Variants in SUSD1 observed in about 807,000 individuals in gnomAD.
SUSD1 encodes the protein sushi domain containing 1.
SUSD1 carries 65 observed loss-of-function variants against 86.9 expected under a neutral mutation model. The ratio of observed to expected loss-of-function variants is 0.75; its 90% confidence interval spans 0.61 to 0.92. The LOEUF (loss-of-function observed/expected upper bound fraction) is 0.92, where lower values mean the gene tolerates loss of function less well. Among genes scored for constraint, SUSD1 ranks in the 40% least tolerant of loss-of-function variants. The pLI is 0.00. For synonymous variants in SUSD1, 346 were observed against 350.0 expected (o/e 0.99, Z 0.13); for missense variants, 850 against 929.7 (o/e 0.91, Z 1.11).
chr9:112,093,737 G>A (rs1466880802), intron 10 of SUSD1, among the ~76,000 whole-genome samples: 4 of 152,178 alleles, frequency 2.6e-5, no homozygotes, highest in Non-Finnish European at 5.9e-5. Flanking sequence ...CTGGGGCCTT[G>A]AGTATAAAGA....
At chr9:112,042,752 C>T (rs1827797218) in intron 15 of SUSD1, among the ~76,000 whole-genome samples, 1 of 152,200 alleles carries the variant, frequency 6.6e-6, no homozygotes, top group Non-Finnish European at 1.5e-5. Flanking sequence ...CCAGCCTTCA[C>T]ATTGGGTACT....
At chr9:112,052,101 T>C in intron 15 of SUSD1, 1 of 1,327,528 alleles carries the variant, frequency 7.5e-7, no homozygotes, top group Non-Finnish European at 9.7e-7. Context: ...CGAAGCCAAG[T>C]GACTCTTAGA....
chr9:112,052,986 G>C (rs940802409), intron 14 of SUSD1, among the ~76,000 whole-genome samples: 3 of 152,144 alleles, frequency 2.0e-5, no homozygotes, highest in Non-Finnish European at 4.4e-5. Flanking sequence ...GAAATCTATA[G>C]ATTCAGTGGA....
In SUSD1 at chr9:112,078,557, G is replaced by A. The variant is rs147151457; in HGVS notation, c.1734C>T (p.Ser578=). The A allele has an allele frequency of 1.3e-4, 209 of 1,610,634 alleles. No individual in the cohort carries two copies. The Middle Eastern group carries it at 2.6e-3, about 20-fold the overall frequency. Reference sequence around the variant, plus strand: ...ATTTACCTGTTATCTGGGTTGTCAGGGAGATGACCACAGGAAGTTCCGAAG... The same window carrying A: ...ATTTACCTGTTATCTGGGTTGTCAGAGAGATGACCACAGGAAGTTCCGAAG... ...ALSSELPVVI[S]LTTQITEPPL... is the part of the protein sequence containing the mutation. Residue 578 remains serine (S), a synonymous_variant, in exon 12 of 17, where the codon TCC becomes TCT. Coordinates refer to ENST00000374270, the MANE Select transcript of SUSD1 (RefSeq NM_022486.5).
intron 13 of SUSD1, 130 bp downstream of exon 13, chr9:112,062,807 C>T (rs537385450): frequency 1.1e-5 from 6 of 552,234 alleles, no homozygotes; most frequent in African/African-American, 7.6e-5. Context: ...ACAAAAGAGG[C>T]CCCAACTGCA....
chr9:112,089,301 C>A (rs1173124616), intron 10 of SUSD1, among the ~76,000 whole-genome samples: 1 of 151,910 alleles, frequency 6.6e-6, no homozygotes, highest in South Asian at 2.1e-4. Context: ...GAAAATATAA[C>A]ACAATACATA....
At chr9:112,165,145 C>T (rs1439949319) in intron 1 of SUSD1, among the ~76,000 whole-genome samples, 1 of 152,074 alleles carries the variant, frequency 6.6e-6, no homozygotes, top group Non-Finnish European at 1.5e-5. Flanking sequence ...TCTGACATTT[C>T]CTTCTTTTTT....
At chr9:112,170,961 C>T (rs1366477738) in intron 1 of SUSD1, among the ~76,000 whole-genome samples, 1 of 152,150 alleles carries the variant, frequency 6.6e-6, no homozygotes, top group Admixed American at 6.5e-5. Flanking sequence ...GATCCACCCA[C>T]CTCGGCTTCC....
intron 2 of SUSD1, among the ~76,000 whole-genome samples, chr9:112,156,239 G>A (rs1447560083): frequency 6.6e-6 from 1 of 151,952 alleles, no homozygotes; most frequent in Admixed American, 6.6e-5. Context: ...CAAGGCTGGT[G>A]GATCACGAGG....
chr9:112,077,005 C>G (rs1446479129), intron 12 of SUSD1, among the ~76,000 whole-genome samples: 1 of 152,162 alleles, frequency 6.6e-6, no homozygotes, highest in Non-Finnish European at 1.5e-5. Flanking sequence ...GTGGAGCCTA[C>G]AGAACAGCCA....
chr9:112,119,037 G>C (rs1831446382), intron 6 of SUSD1, among the ~76,000 whole-genome samples: 1 of 152,046 alleles, frequency 6.6e-6, no homozygotes, highest in African/African-American at 2.4e-5. Context: ...GGTCTTTCTG[G>C]GCTTACAGGC....
intron 7 of SUSD1, among the ~76,000 whole-genome samples, chr9:112,112,497 A>G (rs1480068973): frequency 1.3e-5 from 2 of 152,042 alleles, no homozygotes; most frequent in African/African-American, 4.8e-5. Flanking sequence ...TTAGCCAAGC[A>G]TGGTAGTGCA....
intron 10 of SUSD1, among the ~76,000 whole-genome samples, chr9:112,083,725 G>T (rs534623569): frequency 2.6e-5 from 4 of 152,118 alleles, no homozygotes; most frequent in Non-Finnish European, 4.4e-5. Flanking sequence ...AGAGTTGTTG[G>T]TGTCTATATT....
chr9:112,168,902 C>G (rs1024311054), intron 1 of SUSD1, among the ~76,000 whole-genome samples: 4 of 152,206 alleles, frequency 2.6e-5, no homozygotes, highest in Non-Finnish European at 5.9e-5. Context: ...TCCAGCACAA[C>G]CTTCCTGAGA....
chr9:112,042,837 G>A (rs1827800140), intron 15 of SUSD1, among the ~76,000 whole-genome samples: 1 of 152,292 alleles, frequency 6.6e-6, no homozygotes, highest in Admixed American at 6.5e-5. Context: ...GTTAAGAGGA[G>A]TGCATTTCTA....
rs374522813 is a variant in SUSD1 at position 112,041,979 on chromosome 9, G to A, written c.2150-19C>T. ...GACGAATCTGTGGGACAAAACCACA[G>A]GCTTAGCCCAGAGTGCACGGCATCA... On this transcript the variant is annotated intron_variant, in intron 15 of 16. Coordinates refer to ENST00000374270, the MANE Select transcript of SUSD1 (RefSeq NM_022486.5). 30 of 1,612,522 alleles carry A rather than the reference G, an allele frequency of 1.9e-5. No individual in the cohort carries two copies. In the African/African-American group the frequency reaches 3.9e-4, roughly 21 times the overall value.
At chr9:112,117,224 GA>G (rs1831363811) in intron 6 of SUSD1, among the ~76,000 whole-genome samples, 1 of 152,218 alleles carries the variant, frequency 6.6e-6, no homozygotes, top group Non-Finnish European at 1.5e-5. Flanking sequence ...CCCTAGCCAA[GA>G]AGGGCCTGGA....
intron 1 of SUSD1, among the ~76,000 whole-genome samples, chr9:112,160,218 T>C (rs1327128039): frequency 5.3e-5 from 8 of 152,154 alleles, no homozygotes; most frequent in African/African-American, 1.7e-4. Flanking sequence ...GAGAAGATGA[T>C]AGCAGACAAA....
At chr9:112,093,400 A>G (rs538126938) in intron 10 of SUSD1, among the ~76,000 whole-genome samples, 1 of 152,250 alleles carries the variant, frequency 6.6e-6, no homozygotes, top group East Asian at 1.9e-4. Context: ...AGAGGTAAGC[A>G]CCCAGTGTCT....
Sources: gnomAD v4.1 joint callset for allele counts (sites outside exome capture counted in the v4.1 genomes callset) on GRCh38, gnomAD v4.1.1 for gene constraint, MANE v1.5 for transcripts, NCBI Gene and HGNC (gene_info 2026-07-23, HGNC 2026-07-21) for gene names.